Variants in ITFG1 observed in about 807,000 individuals in gnomAD.
ITFG1 encodes T-cell immunomodulatory protein.
Under a neutral mutation model 81.8 loss-of-function variants are expected in ITFG1, and 34 were observed. That is an observed-to-expected ratio of 0.42 (90% CI 0.32 to 0.55). The LOEUF (loss-of-function observed/expected upper bound fraction) is 0.55. ITFG1 is among the 20% of genes least tolerant of loss of function. The pLI, the probability that ITFG1 is intolerant of heterozygous loss-of-function variation, is 0.17. For missense variants in ITFG1, 672 were observed against 755.4 expected (o/e 0.89, Z 1.29); for synonymous variants, 285 against 270.6 (o/e 1.05, Z -0.52).
chr16:47,347,697 T>C (rs573401005), intron 8 of ITFG1, among the ~76,000 whole-genome samples: 1 of 152,320 alleles, frequency 6.6e-6, no homozygotes, highest in South Asian at 2.1e-4. Flanking sequence ...AAGAGAGTAG[T>C]GGTTCTCCCA....
At chr16:47,254,803 C>T (rs1325982068) in intron 12 of ITFG1, among the ~76,000 whole-genome samples, 1 of 152,138 alleles carries the variant, frequency 6.6e-6, no homozygotes. Flanking sequence ...CAGGCACATA[C>T]CACATTCAGA....
At chr16:47,246,377 G>A (rs953486723) in intron 12 of ITFG1, among the ~76,000 whole-genome samples, 24 of 152,156 alleles carry the variant, frequency 1.6e-4, no homozygotes, top group Admixed American at 7.2e-4. Flanking sequence ...CCATAGATAT[G>A]TGTTATAAAA....
intron 13 of ITFG1, among the ~76,000 whole-genome samples, chr16:47,232,264 T>A (rs1485615208): frequency 6.6e-6 from 1 of 152,220 alleles, no homozygotes; most frequent in Non-Finnish European, 1.5e-5. Flanking sequence ...ATAGGTTAGT[T>A]TTACAGACAT....
intron 7 of ITFG1, among the ~76,000 whole-genome samples, chr16:47,366,909 C>T (rs1422327786): frequency 2.0e-5 from 3 of 152,128 alleles, no homozygotes; most frequent in Non-Finnish European, 1.5e-5. Context: ...GACTTCTCCC[C>T]ACCATAAACA....
intron 14 of ITFG1, among the ~76,000 whole-genome samples, chr16:47,195,837 C>T (rs1965351141): frequency 6.6e-6 from 1 of 152,070 alleles, no homozygotes; most frequent in Non-Finnish European, 1.5e-5. Context: ...TCTGCTGGAC[C>T]TATTGACCTG....
chr16:47,313,551 C>T (rs990054515), intron 9 of ITFG1, among the ~76,000 whole-genome samples, 178 bp downstream of exon 9: 4 of 151,916 alleles, frequency 2.6e-5, no homozygotes, highest in Non-Finnish European at 2.9e-5. Flanking sequence ...ATGATTTTCC[C>T]GCAACAAATT....
intron 14 of ITFG1, among the ~76,000 whole-genome samples, chr16:47,182,083 C>G (rs1457937052): frequency 1.3e-5 from 2 of 151,988 alleles, no homozygotes; most frequent in Admixed American, 1.3e-4. Flanking sequence ...AAACCAGATA[C>G]CTTTGTTCAC....
chr16:47,167,313 C>T (rs887550343), intron 14 of ITFG1, among the ~76,000 whole-genome samples: 16 of 152,192 alleles, frequency 1.1e-4, no homozygotes, highest in Admixed American at 5.9e-4. Context: ...TGCACATATA[C>T]GCCCAGATGG....
At chr16:47,403,761 TACACACACAC>T (rs55978309) in intron 6 of ITFG1, among the ~76,000 whole-genome samples, 53 of 133,232 alleles carry the variant, frequency 4.0e-4, no homozygotes, top group South Asian at 2.1e-3. Flanking sequence ...TCTCTCTTGG[TACACACACAC>T]ACACACACAC....
intron 6 of ITFG1, among the ~76,000 whole-genome samples, chr16:47,384,613 C>T (rs1269301415): frequency 6.6e-6 from 1 of 152,168 alleles, no homozygotes; most frequent in Non-Finnish European, 1.5e-5. Context: ...AGTCTGATAA[C>T]TTGGAAAAAG....
intron 6 of ITFG1, among the ~76,000 whole-genome samples, chr16:47,421,208 G>C (rs1442722341): frequency 6.6e-6 from 1 of 150,518 alleles, no homozygotes; most frequent in African/African-American, 2.5e-5. Flanking sequence ...CATTTAGCCA[G>C]TCTAAAAACG....
chr16:47,403,565 T>C (rs1157127863), intron 6 of ITFG1, among the ~76,000 whole-genome samples: 2 of 152,098 alleles, frequency 1.3e-5, no homozygotes, highest in Admixed American at 6.5e-5. Flanking sequence ...AAAATATGAA[T>C]ATATGTTGGT....
chr16:47,258,693 A>G lies in ITFG1; in HGVS notation c.1269T>C (p.Asp423=). ...VVLSKGYTKN[D]FAIHTLKNNF... is the part of the protein sequence containing the mutation. ...TATTTTTTAGTGTATGAATGGCAAA[A>G]TCATTCTTTGTATATCCTTTACTTA... Residue 423 remains aspartate (D), a synonymous_variant, in exon 12 of 18, where the codon GAT becomes GAC. Coordinates refer to ENST00000320640, the MANE Select transcript of ITFG1 (RefSeq NM_030790.5). 6.4e-7 allele frequency: 1 copy of G among 1,563,128 alleles called. No homozygotes were observed. The highest frequency in any genetic ancestry group is 8.7e-7 in the Non-Finnish European group (1 of 1,148,736).
At chr16:47,340,716 AAGG>A (rs1184208531) in intron 8 of ITFG1, among the ~76,000 whole-genome samples, 1 of 152,162 alleles carries the variant, frequency 6.6e-6, no homozygotes, top group African/African-American at 2.4e-5. Flanking sequence ...TCAAATCAAA[AAGG>A]AGATTGGCAG....
chr16:47,218,149 T>A (rs1965648292), intron 14 of ITFG1: 2 of 152,134 alleles, frequency 1.3e-5, no homozygotes, highest in East Asian at 3.8e-4. Context: ...TCCTTTTTCT[T>A]TTTTGGCCAA....
intron 5 of ITFG1, among the ~76,000 whole-genome samples, chr16:47,437,438 G>A (rs953367715): frequency 9.3e-5 from 14 of 150,766 alleles, no homozygotes; most frequent in African/African-American, 2.0e-4. Flanking sequence ...ACTGCACTTC[G>A]GCCTGGGTGA....
At chr16:47,367,060 C>T (rs772316401) in intron 7 of ITFG1, among the ~76,000 whole-genome samples, 1 of 152,182 alleles carries the variant, frequency 6.6e-6, no homozygotes, top group Non-Finnish European at 1.5e-5. Flanking sequence ...AGTTGGGACT[C>T]ACACCACCCC....
At chr16:47,428,464 CTTA>C (rs895391526) in intron 6 of ITFG1, among the ~76,000 whole-genome samples, 7 of 151,846 alleles carry the variant, frequency 4.6e-5, no homozygotes, top group Non-Finnish European at 7.4e-5. Flanking sequence ...AAAGATTTTT[CTTA>C]TTGTTAAATT....
chr16:47,156,865 A>G (rs948716043), intron 17 of ITFG1, among the ~76,000 whole-genome samples: 12 of 152,222 alleles, frequency 7.9e-5, no homozygotes, highest in Non-Finnish European at 1.3e-4. Context: ...TTTATACATA[A>G]AAGGCAATGG....
Sources: allele counts gnomAD v4.1 joint callset (sites outside exome capture counted in the v4.1 genomes callset), GRCh38; gene constraint gnomAD v4.1.1; transcripts MANE v1.5; gene names NCBI Gene and HGNC (gene_info 2026-07-23, HGNC 2026-07-21).